Variants in RAB20 observed in about 807,000 individuals in gnomAD.
RAB20 encodes the protein RAB20, member RAS oncogene family.
In RAB20, 2 loss-of-function variants were observed where a neutral mutation model predicts 3.7. The observed-to-expected ratio is 0.54, with a 90% CI of 0.22 to 1.69. The LOEUF (loss-of-function observed/expected upper bound fraction) is 1.69. Ranked by LOEUF, RAB20 falls within the 40% of genes most tolerant of loss-of-function variation. The pLI is 0.19. For synonymous variants in RAB20, 126 were observed against 130.8 expected (o/e 0.96, Z 0.25); for missense variants, 276 against 311.9 (o/e 0.88, Z 0.87).
At chr13:110,544,509 CAT>C (rs1313980043) in intron 1 of RAB20, among the ~76,000 whole-genome samples, 6 of 152,152 alleles carry the variant, frequency 3.9e-5, no homozygotes, top group Non-Finnish European at 8.8e-5. Context: ...TACCTTGACA[CAT>C]GTTAAAAAAT....
At chr13:110,561,269 G>A (rs1394298868) in intron 1 of RAB20, 79 bp downstream of exon 1, 1 of 1,443,146 alleles carries the variant, frequency 6.9e-7, no homozygotes, top group Non-Finnish European at 9.1e-7. Context: ...TGCGCGGCCG[G>A]GTGCCCTGCT....
intron 1 of RAB20, among the ~76,000 whole-genome samples, chr13:110,536,408 A>G (rs539751674): frequency 6.6e-6 from 1 of 152,336 alleles, no homozygotes; most frequent in South Asian, 2.1e-4. Context: ...AAAGTCAGGA[A>G]GAATGATATC....
At chr13:110,546,451 T>C (rs373452643) in intron 1 of RAB20, among the ~76,000 whole-genome samples, 10 of 152,322 alleles carry the variant, frequency 6.6e-5, no homozygotes, top group African/African-American at 2.2e-4. Flanking sequence ...TCATTTCAAG[T>C]TATGCCATGA....
chr13:110,540,698 C>T (rs541178748), intron 1 of RAB20, among the ~76,000 whole-genome samples: 45 of 150,480 alleles, frequency 3.0e-4, no homozygotes, highest in Non-Finnish European at 4.4e-4. Context: ...GCTGCGATCG[C>T]GCCATTGCAC....
chr13:110,537,130 G>A (rs1196318411), intron 1 of RAB20, among the ~76,000 whole-genome samples: 1 of 151,780 alleles, frequency 6.6e-6, no homozygotes, highest in Non-Finnish European at 1.5e-5. Flanking sequence ...ACAGGCTCAC[G>A]CCACTACGCC....
rs538205348 is a variant in RAB20, at chr13:110,553,115, A to C, written c.172+8233T>G. Among the ~76,000 whole-genome samples the C allele has an allele frequency of 2.0e-5, 3 of 152,318 alleles. No individual in the cohort carries two copies. In the South Asian group the frequency reaches 6.2e-4, roughly 32 times the overall value. ...TCAATAAAGCAGAGGGACTCTACAAATGAGGCCTTGCACCCAGAAGGCACC... is the reference window on the plus strand; with the variant it reads ...TCAATAAAGCAGAGGGACTCTACAACTGAGGCCTTGCACCCAGAAGGCACC... On this transcript the variant is annotated intron_variant, in intron 1 of 1. Coordinates refer to ENST00000267328, the MANE Select transcript of RAB20 (RefSeq NM_017817.3).
intron 1 of RAB20, among the ~76,000 whole-genome samples, chr13:110,530,028 C>T (rs1047947088): frequency 2.6e-5 from 4 of 152,304 alleles, no homozygotes; most frequent in African/African-American, 9.6e-5. Flanking sequence ...TGAAATGCAG[C>T]AAAACTGACC....
intron 1 of RAB20, among the ~76,000 whole-genome samples, chr13:110,530,051 G>GT (rs1884504333): frequency 6.6e-6 from 1 of 152,170 alleles, no homozygotes; most frequent in Non-Finnish European, 1.5e-5. Context: ...GACTTTAACC[G>GT]TGAGTTCAGA....
chr13:110,531,869 A>C (rs562072801), intron 1 of RAB20, among the ~76,000 whole-genome samples: 1 of 152,282 alleles, frequency 6.6e-6, no homozygotes, highest in Admixed American at 6.5e-5. Flanking sequence ...TGGAGCTGAC[A>C]TGGCCCAGGG....
At chr13:110,529,846 G>C (rs570897208) in intron 1 of RAB20, among the ~76,000 whole-genome samples, 4 of 152,130 alleles carry the variant, frequency 2.6e-5, no homozygotes, top group Non-Finnish European at 5.9e-5. Context: ...CTCTAGGTTC[G>C]ACTTGTCCAG....
intron 1 of RAB20, among the ~76,000 whole-genome samples, chr13:110,535,928 T>C (rs772670252): frequency 2.0e-5 from 3 of 152,262 alleles, no homozygotes; most frequent in African/African-American, 7.2e-5. Context: ...AAAATATACA[T>C]TCAAGTCTTC....
chr13:110,558,823 G>A (rs1167673639), intron 1 of RAB20, among the ~76,000 whole-genome samples: 1 of 148,172 alleles, frequency 6.7e-6, no homozygotes, highest in African/African-American at 2.5e-5. Context: ...TCAGCCTCCC[G>A]AGTAGCTGGG....
chr13:110,525,780 G>C (rs928360858), intron 1 of RAB20, among the ~76,000 whole-genome samples: 2 of 152,224 alleles, frequency 1.3e-5, no homozygotes, highest in East Asian at 1.9e-4. Context: ...TGCCGCACTG[G>C]GGGGACGAGC....
chr13:110,540,958 C>T (rs1259016110), intron 1 of RAB20, among the ~76,000 whole-genome samples: 2 of 152,154 alleles, frequency 1.3e-5, no homozygotes, highest in Non-Finnish European at 2.9e-5. Flanking sequence ...CTGCCCATGC[C>T]CCTGGAATGG....
At chr13:110,533,038 C>A (rs1465882745) in intron 1 of RAB20, among the ~76,000 whole-genome samples, 1 of 152,192 alleles carries the variant, frequency 6.6e-6, no homozygotes, top group Admixed American at 6.5e-5. Context: ...AGCCCCCTGG[C>A]AGGGAGCTCA....
chr13:110,525,699 G>C (rs1036099048), intron 1 of RAB20, among the ~76,000 whole-genome samples: 7 of 152,264 alleles, frequency 4.6e-5, no homozygotes, highest in African/African-American at 1.4e-4. Context: ...CCCCAGCAGG[G>C]AGGGCCGAGC....
At chr13:110,549,764 G>T (rs146987971) in intron 1 of RAB20, among the ~76,000 whole-genome samples, 2 of 150,302 alleles carry the variant, frequency 1.3e-5, no homozygotes, top group Non-Finnish European at 3.0e-5. Flanking sequence ...TCTGTTGCCC[G>T]GGCTGGAGTG....
chr13:110,558,650 G>A (rs1249035491), intron 1 of RAB20, among the ~76,000 whole-genome samples: 1 of 149,650 alleles, frequency 6.7e-6, no homozygotes, highest in African/African-American at 2.5e-5. Flanking sequence ...CTAAAGTGCT[G>A]GGATTACAGG....
chr13:110,558,423 A>T (rs975071027), intron 1 of RAB20, among the ~76,000 whole-genome samples: 2 of 124,112 alleles, frequency 1.6e-5, no homozygotes, highest in African/African-American at 6.1e-5. Flanking sequence ...TACTCTTGTC[A>T]CCCAGGCTGG....
Sources: allele counts gnomAD v4.1 joint callset (sites outside exome capture counted in the v4.1 genomes callset), GRCh38; gene constraint gnomAD v4.1.1; transcripts MANE v1.5; gene names NCBI Gene and HGNC (gene_info 2026-07-23, HGNC 2026-07-21).